The following SHTN1 variants were observed in gnomAD, a reference collection of about 807,000 sequenced individuals.
SHTN1 encodes the protein shootin-1.
SHTN1 carries 42 observed loss-of-function variants against 83.1 expected under a neutral mutation model. The observed-to-expected ratio is 0.51, with a 90% confidence interval of 0.39 to 0.65. SHTN1 has a LOEUF of 0.65. Among genes scored for constraint, SHTN1 ranks in the 30% least tolerant of loss-of-function variants. The probability of loss-of-function intolerance (pLI) is 0.00; values close to 1 mark genes in which losing one functional copy is unlikely to be tolerated. For missense variants in SHTN1, 622 were observed against 737.8 expected (o/e 0.84, Z 1.82); for synonymous variants, 224 against 247.7 (o/e 0.90, Z 0.90).
intron 1 of SHTN1, among the ~76,000 whole-genome samples, chr10:117,108,391 G>A (rs1013431976): frequency 3.9e-5 from 6 of 152,016 alleles, no homozygotes; most frequent in African/African-American, 1.4e-4. Context: ...AAAAGGATGA[G>A]TTCATGTCCT....
At chr10:116,889,598 G>A (rs1163362479) in intron 16 of SHTN1, among the ~76,000 whole-genome samples, 1 of 152,154 alleles carries the variant, frequency 6.6e-6, no homozygotes, top group African/African-American at 2.4e-5. Flanking sequence ...AAGAGGGGAA[G>A]GAACTGGCCC....
intron 12 of SHTN1, among the ~76,000 whole-genome samples, chr10:116,920,255 G>A (rs960198536): frequency 6.6e-6 from 1 of 152,116 alleles, no homozygotes; most frequent in South Asian, 2.1e-4. Context: ...GAATTAGAAC[G>A]GCAGGCACAG....
intron 14 of SHTN1, among the ~76,000 whole-genome samples, chr10:116,908,548 T>C (rs974951780): frequency 1.3e-5 from 2 of 152,222 alleles, no homozygotes; most frequent in Non-Finnish European, 2.9e-5. Context: ...CTATCATTTG[T>C]AAACAGATAT....
At chr10:116,941,880 T>C (rs1849384156) in intron 8 of SHTN1, among the ~76,000 whole-genome samples, 1 of 152,184 alleles carries the variant, frequency 6.6e-6, no homozygotes, top group African/African-American at 2.4e-5. Flanking sequence ...GAAAAAAAGG[T>C]CAGAAGCTTT....
At chr10:117,030,166 C>T (rs533934621) in intron 2 of SHTN1, among the ~76,000 whole-genome samples, 59 of 152,284 alleles carry the variant, frequency 3.9e-4, no homozygotes, top group Middle Eastern at 3.4e-3. Context: ...GGATTACAGG[C>T]ATAAGCCACC....
At position 116,977,659 on chromosome 10, in the gene SHTN1, A is replaced by ACT. The variant is rs967023581; in HGVS notation, c.111+1595_111+1596dup. On this transcript the variant is annotated intron_variant, in intron 2 of 16. Coordinates refer to ENST00000355371, the MANE Select transcript of SHTN1 (RefSeq NM_001127211.3). ...AACTACTATTTTCAGTGACTTTCTTACTCTGTGTGTGTGTGTGTGTGTGTG... is the reference window on the plus strand; with the variant it reads ...AACTACTATTTTCAGTGACTTTCTTACTCTCTGTGTGTGTGTGTGTGTGTGTG... Among the ~76,000 whole-genome samples, 8 of 61,600 alleles carry ACT rather than the reference A, an allele frequency of 1.3e-4. No homozygotes were observed. In the East Asian group the frequency reaches 4.9e-3, roughly 38 times the overall value. The allele number at this position is 61,600 out of a possible 152,430, so 40.4% of individuals were successfully genotyped here.
chr10:116,965,408 T>G (rs767725684), intron 3 of SHTN1, among the ~76,000 whole-genome samples: 1 of 152,112 alleles, frequency 6.6e-6, no homozygotes, highest in Non-Finnish European at 1.5e-5. Flanking sequence ...TCCAAGCTAC[T>G]TGGGAGAGTG....
At chr10:116,957,918 G>A (rs971652899) in intron 4 of SHTN1, among the ~76,000 whole-genome samples, 6 of 152,094 alleles carry the variant, frequency 3.9e-5, no homozygotes, top group Admixed American at 3.3e-4. Context: ...AAATTAACTG[G>A]GTGTGGTGGC....
chr10:117,024,503 C>CA (rs1852304213), intron 2 of SHTN1, among the ~76,000 whole-genome samples: 1 of 151,706 alleles, frequency 6.6e-6, no homozygotes, highest in African/African-American at 2.4e-5. Flanking sequence ...TACAGGCGCC[C>CA]ACCACCACGC....
chr10:117,023,181 A>C (rs779419093), intron 2 of SHTN1, among the ~76,000 whole-genome samples: 1 of 152,260 alleles, frequency 6.6e-6, no homozygotes, highest in Non-Finnish European at 1.5e-5. Context: ...AAACTTTCAA[A>C]GGACCACTTT....
chr10:117,019,453 G>A (rs1852229461), intron 2 of SHTN1, among the ~76,000 whole-genome samples: 1 of 151,346 alleles, frequency 6.6e-6, no homozygotes, highest in South Asian at 2.1e-4. Flanking sequence ...CAAAGTGCTG[G>A]GATTACAGGC....
At chr10:116,939,767 C>A (rs1286579199) in intron 9 of SHTN1, among the ~76,000 whole-genome samples, 1 of 152,228 alleles carries the variant, frequency 6.6e-6, no homozygotes, top group Non-Finnish European at 1.5e-5. Context: ...AGCTAACAGC[C>A]TTTCCTTCCC....
chr10:116,927,500 A>G (rs1848784033), intron 11 of SHTN1, among the ~76,000 whole-genome samples: 1 of 152,112 alleles, frequency 6.6e-6, no homozygotes, highest in Non-Finnish European at 1.5e-5. Flanking sequence ...TGTGCAGGAG[A>G]ACTCCTCTTT....
intron 10 of SHTN1, 97 bp from the exon 11 acceptor site, chr10:116,927,988 GTTC>G (rs1373345082): frequency 7.0e-7 from 1 of 1,437,970 alleles, no homozygotes; most frequent in Non-Finnish European, 9.5e-7. Context: ...TCAAAAGTAA[GTTC>G]TTTTTATTAA....
At chr10:116,938,066 A>C (rs1849237749) in intron 9 of SHTN1, among the ~76,000 whole-genome samples, 1 of 151,408 alleles carries the variant, frequency 6.6e-6, no homozygotes. Context: ...AATTCCTCTA[A>C]CCTTTTATCA....
chr10:116,895,867 A>G (rs1847499433), intron 16 of SHTN1, among the ~76,000 whole-genome samples: 1 of 152,186 alleles, frequency 6.6e-6, no homozygotes, highest in African/African-American at 2.4e-5. Flanking sequence ...AAATTGGGAT[A>G]ATGTCCAATC....
chr10:117,021,263 C>T (rs1852260395), intron 2 of SHTN1, among the ~76,000 whole-genome samples: 1 of 151,834 alleles, frequency 6.6e-6, no homozygotes, highest in Non-Finnish European at 1.5e-5. Context: ...TTCCTCCCTC[C>T]CTTCCTCCTT....
Position 116,885,004 on chromosome 10 carries a change from G to A in SHTN1, c.*1340C>T, listed in dbSNP as rs1847120848. 6.6e-6 allele frequency: 1 copy of A among 152,422 alleles called. No homozygotes were observed. Among genetic ancestry groups the A allele is most frequent in the Non-Finnish European group, 1.5e-5 (1 of 68,036 alleles). 9.4% of individuals were successfully genotyped at this position (152,422 alleles called of 1,614,324 possible). A position where few individuals can be genotyped will look rare whatever the true frequency, so the allele number is the denominator to read the frequency against. Reference sequence around the variant, plus strand: ...TAAGTAACTATAAAATCATTATTGGGAGAACATGGAAACAGTCAAGCATAA... The same window carrying A: ...TAAGTAACTATAAAATCATTATTGGAAGAACATGGAAACAGTCAAGCATAA... On this transcript the variant is annotated 3_prime_UTR_variant, in exon 17 of 17. Transcript: ENST00000355371.
In SHTN1 at chr10:117,005,160, T is replaced by C; in HGVS notation, c.-81A>G. Reference sequence around the variant, plus strand: ...GGAGGAGGGGGAAGAAAAAGCAAGATGCCGGTGGCTTGCGGCTCCACTACC... The same window carrying C: ...GGAGGAGGGGGAAGAAAAAGCAAGACGCCGGTGGCTTGCGGCTCCACTACC... On this transcript the variant is annotated 5_prime_UTR_variant, in exon 1 of 17. Transcript: ENST00000355371. 6.5e-7 allele frequency: 1 copy of C among 1,547,506 alleles called. No homozygotes were observed. Among genetic ancestry groups the C allele is most frequent in the Non-Finnish European group, 8.7e-7 (1 of 1,145,764 alleles).
Sources: allele counts gnomAD v4.1 joint callset (sites outside exome capture counted in the v4.1 genomes callset), GRCh38; gene constraint gnomAD v4.1.1; transcripts MANE v1.5; gene names NCBI Gene and HGNC (gene_info 2026-07-23, HGNC 2026-07-21).